The following CAPN15 variants were observed in gnomAD, a reference collection of about 807,000 sequenced individuals.
The protein encoded by CAPN15 is calpain-15.
Under a neutral mutation model 97.9 loss-of-function variants are expected in CAPN15, and 53 were observed. The observed-to-expected ratio is 0.54, with a 90% CI of 0.43 to 0.68. CAPN15 has a LOEUF of 0.68. Among genes scored for constraint, CAPN15 ranks in the 30% least tolerant of loss-of-function variants. The pLI is 0.00. For missense variants in CAPN15, 1,592 were observed against 1,589.8 expected (o/e 1.00, Z -0.02); for synonymous variants, 922 against 722.5 (o/e 1.28, Z -4.43).
At chr16:537,505 G>C in intron 3 of CAPN15, 2 of 934,764 alleles carry the variant, frequency 2.1e-6, no homozygotes, top group South Asian at 9.8e-5. Context: ...TCCTCACACA[G>C]AACGGGCAGG....
rs1377514174 is a variant in CAPN15, at chr16:535,026, A to T, written c.-136-1003A>T. On this transcript the variant is annotated intron_variant, in intron 2 of 13. Coordinates refer to ENST00000219611, the MANE Select transcript of CAPN15 (RefSeq NM_005632.3). The surrounding 1 kb of genome is among the most constrained non-coding windows in gnomAD (Gnocchi z 6.2). ...GCGAGACAGTGAGGAGTGTATGCGG[A>T]GTGGACACAGCTGTGGGTGCCGCCC... 1.3e-5 allele frequency among the ~76,000 whole-genome samples: 2 copies of T among 151,958 alleles called. No homozygotes were observed. Among genetic ancestry groups the T allele is most frequent in the African/African-American group, 4.8e-5 (2 of 41,350 alleles).
At chr16:544,459 G>A (rs1193250784) in intron 3 of CAPN15, among the ~76,000 whole-genome samples, 3 of 152,082 alleles carry the variant, frequency 2.0e-5, no homozygotes, top group African/African-American at 4.8e-5. Flanking sequence ...CTGGGGCTGC[G>A]CCAGTCACAG....
intron 2 of CAPN15, among the ~76,000 whole-genome samples, chr16:534,214 G>A (rs2033507378): frequency 6.6e-6 from 1 of 152,280 alleles, no homozygotes; most frequent in African/African-American, 2.4e-5. Flanking sequence ...GACGGTGAGG[G>A]CGGCCCGGGG....
At chr16:550,183 G>A (rs576619210) in intron 7 of CAPN15, among the ~76,000 whole-genome samples, 391 of 152,338 alleles carry the variant, frequency 2.6e-3, no homozygotes, top group Middle Eastern at 3.4e-3. Context: ...GCGGCGTGTC[G>A]AGTTTGGCCA....
intron 7 of CAPN15, among the ~76,000 whole-genome samples, 167 bp from the exon 8 acceptor site, chr16:551,135 G>C (rs2035032436): frequency 7.5e-6 from 1 of 133,556 alleles, no homozygotes; most frequent in African/African-American, 3.1e-5. Context: ...CTGTTGGTGA[G>C]GGCCCCGGTC....
At chr16:551,900 A>C in intron 9 of CAPN15, 151 bp from the exon 10 acceptor site, 1 of 1,003,972 alleles carries the variant, frequency 1.0e-6, no homozygotes, top group Non-Finnish European at 1.5e-6. Context: ...TATAGGCCTC[A>C]GGGATGGGCC....
At position 547,824 on chromosome 16, in the gene CAPN15, T is replaced by C. The variant is rs1275110962; in HGVS notation, c.986T>C (p.Val329Ala). The stretch of plus-strand genomic sequence containing the variant: ...ATCATTGACCTGGCCGGAGACACCG[T>C]GCGTTACACGCCCGCCAGCCCCTCC... Reference protein sequence around the residue: ...SDIIDLAGDTVRYTPASPSSP... With the variant: ...SDIIDLAGDTARYTPASPSSP... The change falls in exon 4 of 14, where the codon GTG (valine) becomes GCG (alanine). Residue 329 changes from valine to alanine, a missense_variant. Physicochemically the swap from Val to Ala is moderately conservative, Grantham distance 64. Transcript: ENST00000219611. 15 of 1,611,222 alleles carry C rather than the reference T, an allele frequency of 9.3e-6. No individual in the cohort carries two copies. The highest frequency in any genetic ancestry group is 1.7e-5 in the Admixed American group (1 of 59,860).
Position 552,620 on chromosome 16 carries a change from C to T in CAPN15, c.2753C>T (p.Ala918Val), listed in dbSNP as rs1426018193. The T allele has an allele frequency of 6.5e-7, 1 of 1,537,272 alleles. No homozygotes were observed. The highest frequency in any genetic ancestry group is 2.5e-5 in the East Asian group (1 of 40,810). The change falls in exon 12 of 14, where the codon GCA (alanine) becomes GTA (valine). Residue 918 changes from alanine to valine, a missense_variant. By Grantham distance (64) the Ala-to-Val change is moderately conservative. Transcript: ENST00000219611. This position sits in a 1 kb window ranked among gnomAD's most constrained non-coding sequence, Gnocchi z 6.4. ...GTCCTTGTAGCCTCCAGCCCCTCGGCAGGGGTCCCGAGAGCCTCCCCAGAG... is the reference window on the plus strand; with the variant it reads ...GTCCTTGTAGCCTCCAGCCCCTCGGTAGGGGTCCCGAGAGCCTCCCCAGAG... ...TPAPQASSPSAGVPRASPEPP... is the reference protein window; with the variant it reads ...TPAPQASSPSVGVPRASPEPP...
chr16:549,004 C>T lies in CAPN15; in HGVS notation c.1461C>T (p.Ser487=), dbSNP rs2034804060. ...IVAFCRENNV[S]FVDDSFPPGP... The stretch of plus-strand genomic sequence containing the variant: ...CGTGGTCTCTGCAGAACAATGTGAG[C>T]TTCGTGGATGACAGCTTCCCTCCCG... Residue 487 remains serine (S), a synonymous_variant, in exon 5 of 14, where the codon AGC becomes AGT. Transcript: ENST00000219611. The T allele has an allele frequency of 6.2e-7, 1 of 1,612,592 alleles. No individual in the cohort carries two copies. Among genetic ancestry groups the T allele is most frequent in the Non-Finnish European group, 8.5e-7 (1 of 1,179,920 alleles).
intron 1 of CAPN15, among the ~76,000 whole-genome samples, chr16:529,025 TG>T (rs1207268687): frequency 6.6e-6 from 1 of 152,128 alleles, no homozygotes; most frequent in Non-Finnish European, 1.5e-5. Context: ...CAAGAGAAAT[TG>T]TTTTTCTGGC....
In CAPN15 at chr16:547,398, TG is replaced by T; in HGVS notation, c.562del (p.Val188TrpfsTer99). 1 of 1,564,624 alleles carries T rather than the reference TG, an allele frequency of 6.4e-7. No individual in the cohort carries two copies. On this transcript the variant is annotated frameshift_variant, in exon 4 of 14. Coordinates refer to ENST00000219611, the MANE Select transcript of CAPN15 (RefSeq NM_005632.3). LOFTEE classifies it high-confidence loss of function. The stretch of plus-strand genomic sequence containing the variant: ...CCTGAGGCCCTGGTGGTCCCGGAAG[TG>T]GTGGCCCCGGCCGGCTTCCACGTCG... ...IPPEALVVPE[V>X]VAPAGFHVVP...
At chr16:549,492 G>A (rs764648167) in intron 6 of CAPN15, 21 bp downstream of exon 6, 1 of 1,566,244 alleles carries the variant, frequency 6.4e-7, no homozygotes, top group Non-Finnish European at 8.6e-7. Context: ...CTGCAGGGTG[G>A]GCACGGGCGG....
At chr16:540,310 C>G (rs1421837361) in intron 3 of CAPN15, 36 of 985,372 alleles carry the variant, frequency 3.7e-5, no homozygotes, top group Non-Finnish European at 4.3e-5. Flanking sequence ...CCCAGGGGGG[C>G]CCGTCTGGGG....
At chr16:553,249 ACTCCTG>A in intron 13 of CAPN15, 84 bp from the exon 14 acceptor site, 1 of 688,122 alleles carries the variant, frequency 1.5e-6, no homozygotes, top group Non-Finnish European at 2.3e-6. Flanking sequence ...TTGTCACCCC[ACTCCTG>A]CTCCTGCCCC....
chr16:537,459 G>C, intron 3 of CAPN15: 1 of 985,502 alleles, frequency 1.0e-6, no homozygotes, highest in Non-Finnish European at 1.2e-6. Context: ...TGGGTGAGTG[G>C]CGAAGGAGCT....
In CAPN15 at chr16:541,799, G is replaced by A. The variant is rs182477256; in HGVS notation, c.-22-5018G>A. On this transcript the variant is annotated intron_variant, in intron 3 of 13. Coordinates refer to ENST00000219611, the MANE Select transcript of CAPN15 (RefSeq NM_005632.3). Reference sequence around the variant, plus strand: ...CCTCAGCCCCAGACGGCCACTGACCGGCTTCCTGTCTTGGTTTGCCTTGTG... The same window carrying A: ...CCTCAGCCCCAGACGGCCACTGACCAGCTTCCTGTCTTGGTTTGCCTTGTG... 2.3e-3 allele frequency among the ~76,000 whole-genome samples: 346 copies of A among 152,250 alleles called. 1 individual carries two copies. Among genetic ancestry groups the A allele is most frequent in the African/African-American group, 7.8e-3 (322 of 41,490 alleles).
intron 4 of CAPN15, 134 bp downstream of exon 4, chr16:548,421 T>A: frequency 1.1e-6 from 1 of 916,294 alleles, no homozygotes; most frequent in Non-Finnish European, 1.5e-6. Flanking sequence ...GGCAGCACCC[T>A]CCGCCCCGAG....
intron 6 of CAPN15, 26 bp from the exon 7 acceptor site, chr16:549,589 G>A: frequency 6.6e-7 from 1 of 1,512,928 alleles, no homozygotes; most frequent in Non-Finnish European, 8.9e-7. Context: ...GCGGGCGGGG[G>A]TGGCCTCTGA....
At chr16:544,330 G>A (rs2034377980) in intron 3 of CAPN15, among the ~76,000 whole-genome samples, 1 of 152,104 alleles carries the variant, frequency 6.6e-6, no homozygotes, top group Non-Finnish European at 1.5e-5. Flanking sequence ...CCGGCCGGAC[G>A]GGGCATCTGT....
Sources: allele counts gnomAD v4.1 joint callset (sites outside exome capture counted in the v4.1 genomes callset), GRCh38; gene constraint gnomAD v4.1.1; non-coding constraint Gnocchi (gnomAD v3.1); transcripts MANE v1.5; gene names NCBI Gene and HGNC (gene_info 2026-07-23, HGNC 2026-07-21).